Variants in CD2AP observed in about 807,000 individuals in gnomAD.
The protein encoded by CD2AP is CD2-associated protein.
A neutral mutation model predicts 85.1 loss-of-function variants in CD2AP; 46 were observed. That is an observed-to-expected ratio of 0.54 (90% CI 0.43 to 0.69). The LOEUF (loss-of-function observed/expected upper bound fraction) is 0.69, where lower values mean the gene tolerates loss of function less well. CD2AP is among the 30% of genes least tolerant of loss of function. The pLI is 0.00. For synonymous variants in CD2AP, 255 were observed against 252.9 expected, an observed-to-expected ratio of 1.01 and a Z score of -0.08; for missense variants, 769 against 729.5, an observed-to-expected ratio of 1.05 and a Z score of -0.62.
chr6:47,515,491 T>A (rs1766430419), intron 2 of CD2AP, among the ~76,000 whole-genome samples: 1 of 152,214 alleles, frequency 6.6e-6, no homozygotes, highest in Non-Finnish European at 1.5e-5. Flanking sequence ...CTTTGAAAAT[T>A]AGGCATAGGG....
intron 5 of CD2AP, among the ~76,000 whole-genome samples, chr6:47,567,123 G>C (rs1340477871): frequency 6.6e-6 from 1 of 150,878 alleles, no homozygotes; most frequent in Non-Finnish European, 1.5e-5. Flanking sequence ...TTTAACATAT[G>C]GGGTATGGAA....
chr6:47,604,548 A>G (rs563392217), intron 13 of CD2AP, among the ~76,000 whole-genome samples: 3 of 152,030 alleles, frequency 2.0e-5, no homozygotes, highest in Non-Finnish European at 4.4e-5. Context: ...TCTACAGGCT[A>G]AAATGATTGG....
intron 10 of CD2AP, among the ~76,000 whole-genome samples, 187 bp from the exon 11 acceptor site, chr6:47,581,816 G>A (rs1246255842): frequency 1.3e-5 from 2 of 152,170 alleles, no homozygotes; most frequent in Non-Finnish European, 2.9e-5. Context: ...TGAGACCACA[G>A]AGTAGGGTAA....
intron 2 of CD2AP, among the ~76,000 whole-genome samples, chr6:47,524,187 C>T (rs746258422): frequency 1.7e-4 from 26 of 151,994 alleles, no homozygotes; most frequent in Non-Finnish European, 1.6e-4. Flanking sequence ...CATTTTGTTT[C>T]GGCTAAGGTA....
intron 2 of CD2AP, among the ~76,000 whole-genome samples, chr6:47,532,504 TG>T (rs1266290779): frequency 2.0e-5 from 3 of 152,138 alleles, no homozygotes; most frequent in Non-Finnish European, 4.4e-5. Flanking sequence ...CTATTAAATA[TG>T]GAACGTTTTT....
At chr6:47,546,532 C>G (rs1441454897) in intron 4 of CD2AP, among the ~76,000 whole-genome samples, 4 of 151,970 alleles carry the variant, frequency 2.6e-5, no homozygotes, top group African/African-American at 4.8e-5. Context: ...AGATTATTGC[C>G]TGGGCACATT....
chr6:47,483,725 C>T (rs1436942486), intron 1 of CD2AP, among the ~76,000 whole-genome samples: 1 of 151,198 alleles, frequency 6.6e-6, no homozygotes, highest in East Asian at 1.9e-4. Flanking sequence ...CTAAGTGCTG[C>T]AGGATATTCC....
intron 2 of CD2AP, among the ~76,000 whole-genome samples, chr6:47,530,730 A>G (rs1370554161): frequency 1.3e-5 from 2 of 152,196 alleles, no homozygotes; most frequent in Admixed American, 6.5e-5. Context: ...GCTGCCTGGT[A>G]CTAGCAGGTG....
chr6:47,527,241 T>C (rs1362746277), intron 2 of CD2AP, among the ~76,000 whole-genome samples: 1 of 152,200 alleles, frequency 6.6e-6, no homozygotes, highest in Non-Finnish European at 1.5e-5. Context: ...TGTGAAGGTG[T>C]GCTCCTACAC....
At chr6:47,578,234 T>A (rs1410484432) in intron 8 of CD2AP, among the ~76,000 whole-genome samples, 1 of 152,174 alleles carries the variant, frequency 6.6e-6, no homozygotes, top group Non-Finnish European at 1.5e-5. Context: ...AAGGTCTAGC[T>A]TTGTCGCCCA....
At chr6:47,607,536 T>G (rs1348296283) in intron 14 of CD2AP, among the ~76,000 whole-genome samples, 1 of 152,134 alleles carries the variant, frequency 6.6e-6, no homozygotes, top group Non-Finnish European at 1.5e-5. Context: ...TGATTTGTAT[T>G]TCTCTGATGA....
At chr6:47,587,789 T>C (rs181236555) in intron 11 of CD2AP, among the ~76,000 whole-genome samples, 455 of 152,208 alleles carry the variant, frequency 3.0e-3, no homozygotes, top group Middle Eastern at 0.024. Flanking sequence ...AACTTTTATC[T>C]TATGTCCTCC....
intron 2 of CD2AP, among the ~76,000 whole-genome samples, chr6:47,505,524 G>A (rs1300899188): frequency 6.7e-6 from 1 of 150,122 alleles, no homozygotes; most frequent in East Asian, 2.0e-4. Flanking sequence ...ATCCTGGCCC[G>A]TTCTCAATGA....
chr6:47,578,565 A>G (rs896673663), intron 8 of CD2AP, among the ~76,000 whole-genome samples: 1 of 152,140 alleles, frequency 6.6e-6, no homozygotes, highest in Admixed American at 6.5e-5. Context: ...TTTTTAGTAT[A>G]TAAAGTGTTA....
chr6:47,490,257 T>TA (rs1197906216), intron 1 of CD2AP, among the ~76,000 whole-genome samples: 10 of 152,334 alleles, frequency 6.6e-5, no homozygotes, highest in African/African-American at 2.4e-4. Context: ...GTGCTGGGTT[T>TA]ACAGGCATGA....
intron 5 of CD2AP, among the ~76,000 whole-genome samples, chr6:47,559,841 G>T (rs183972088): frequency 6.8e-4 from 103 of 152,266 alleles, no homozygotes; most frequent in African/African-American, 2.4e-3. Context: ...GTAGAAAAGA[G>T]CATGAAGCAA....
Position 47,552,374 on chromosome 6 carries a change from CAT to C in CD2AP, c.421-2269_421-2268del, listed in dbSNP as rs539380376. Among the ~76,000 whole-genome samples, 641 of 152,218 alleles carry C rather than the reference CAT, an allele frequency of 4.2e-3. 5 individuals are homozygous for C. The highest frequency in any genetic ancestry group is 0.015 in the African/African-American group (604 of 41,512). ...TTGCTTCCTCATAGCTTAGCTCCCA[CAT>C]ATGAGTGAGAACATACGATGATTGG... On this transcript the variant is annotated intron_variant, in intron 4 of 17. Transcript: ENST00000359314.
chr6:47,548,582 A>G (rs1767431366), intron 4 of CD2AP, among the ~76,000 whole-genome samples: 2 of 152,164 alleles, frequency 1.3e-5, no homozygotes, highest in Admixed American at 1.3e-4. Context: ...ACAACAACAA[A>G]AAAGATCCAG....
intron 1 of CD2AP, among the ~76,000 whole-genome samples, chr6:47,490,799 T>C (rs559087656): frequency 2.0e-5 from 3 of 152,232 alleles, no homozygotes; most frequent in Non-Finnish European, 2.9e-5. Context: ...GTGCTAAGAG[T>C]GTATTGTACT....
Sources: gnomAD v4.1 joint callset for allele counts (sites outside exome capture counted in the v4.1 genomes callset) on GRCh38, gnomAD v4.1.1 for gene constraint, MANE v1.5 for transcripts, NCBI Gene and HGNC (gene_info 2026-07-23, HGNC 2026-07-21) for gene names.